GAB1: variants seen among roughly 807,000 people sequenced by gnomAD.
The protein encoded by GAB1 is GRB2 associated binding protein 1, also known as GRB2-associated-binding protein 1.
In GAB1, 19 loss-of-function variants were observed where a neutral mutation model predicts 66.5. The observed-to-expected ratio is 0.29, with a 90% confidence interval of 0.20 to 0.42. GAB1 has a LOEUF of 0.42. GAB1 is among the 10% of genes least tolerant of loss of function. The probability of loss-of-function intolerance (pLI) is 1.00; values close to 1 mark genes in which losing one functional copy is unlikely to be tolerated. For synonymous variants in GAB1, 294 were observed against 301.4 expected (o/e 0.98, Z 0.25); for missense variants, 732 against 858.5 (o/e 0.85, Z 1.84).
intron 1 of GAB1, among the ~76,000 whole-genome samples, chr4:143,382,899 C>T (rs1730717164): frequency 3.3e-5 from 5 of 152,042 alleles, no homozygotes; most frequent in Admixed American, 3.3e-4. Context: ...GTTCCCTAAT[C>T]GTGAGGATTT....
intron 1 of GAB1, among the ~76,000 whole-genome samples, chr4:143,371,650 G>A (rs188667368): frequency 3.2e-4 from 48 of 152,180 alleles, no homozygotes; most frequent in Admixed American, 7.8e-4. Context: ...ATGGTATTGC[G>A]TAGGTTTTCT....
intron 2 of GAB1, among the ~76,000 whole-genome samples, chr4:143,431,258 T>C (rs1733635824): frequency 6.6e-6 from 1 of 152,158 alleles, no homozygotes; most frequent in African/African-American, 2.4e-5. Flanking sequence ...CAAAAACAGA[T>C]TTTGAGAGGG....
At chr4:143,385,150 G>A (rs1730841293) in intron 1 of GAB1, among the ~76,000 whole-genome samples, 1 of 152,116 alleles carries the variant, frequency 6.6e-6, no homozygotes, top group African/African-American at 2.4e-5. Flanking sequence ...TAACCTCTCT[G>A]AATCTCCTCT....
At chr4:143,408,719 G>T (rs768278567) in intron 1 of GAB1, among the ~76,000 whole-genome samples, 1 of 152,042 alleles carries the variant, frequency 6.6e-6, no homozygotes, top group Non-Finnish European at 1.5e-5. Context: ...TTTGTGAAAC[G>T]CACATCTTCA....
chr4:143,337,943 G>C (rs1047664029), intron 1 of GAB1, among the ~76,000 whole-genome samples: 1 of 152,334 alleles, frequency 6.6e-6, no homozygotes, highest in African/African-American at 2.4e-5. Flanking sequence ...CGCTGGGGGG[G>C]AGCCTAGTGG....
At chr4:143,410,895 G>A (rs1361063937) in intron 1 of GAB1, among the ~76,000 whole-genome samples, 1 of 152,160 alleles carries the variant, frequency 6.6e-6, no homozygotes, top group Non-Finnish European at 1.5e-5. Context: ...AAAGAAGAAA[G>A]GTTAAAATGG....
chr4:143,444,384 G>A (rs1392996293), intron 6 of GAB1, among the ~76,000 whole-genome samples: 1 of 152,034 alleles, frequency 6.6e-6, no homozygotes, highest in Non-Finnish European at 1.5e-5. Flanking sequence ...TTAAGCCAGT[G>A]CAAGGTTTTG....
At chr4:143,392,211 T>C (rs1731219780) in intron 1 of GAB1, among the ~76,000 whole-genome samples, 1 of 152,138 alleles carries the variant, frequency 6.6e-6, no homozygotes, top group South Asian at 2.1e-4. Flanking sequence ...GGGAAGAAAG[T>C]AGAAGTGAGT....
At chr4:143,363,924 C>T (rs1042802765) in intron 1 of GAB1, among the ~76,000 whole-genome samples, 3 of 152,122 alleles carry the variant, frequency 2.0e-5, no homozygotes, top group East Asian at 3.9e-4. Context: ...TCGTGCTGGC[C>T]GTGGTGGCTC....
Position 143,471,302 on chromosome 4 carries a change from TA to T in GAB1, c.*2118del, listed in dbSNP as rs1477947664. Reference sequence around the variant, plus strand: ...AGAAAATTTTTCATTCTGAATAATTTAAAAATGGTGATGTATTAGAAAGGCA... The same window carrying T: ...AGAAAATTTTTCATTCTGAATAATTTAAAATGGTGATGTATTAGAAAGGCA... On this transcript the variant is annotated 3_prime_UTR_variant, in exon 10 of 10. Transcript: ENST00000262994. 2 of 152,188 alleles carry T rather than the reference TA, an allele frequency of 1.3e-5. No homozygotes were observed. Among genetic ancestry groups the T allele is most frequent in the Non-Finnish European group, 2.9e-5 (2 of 68,020 alleles). The allele number at this position is 152,188 out of a possible 1,614,324, so 9.4% of individuals were successfully genotyped here. A position where few individuals can be genotyped will look rare whatever the true frequency, so the allele number is the denominator to read the frequency against.
At chr4:143,399,607 C>T (rs1184259182) in intron 1 of GAB1, among the ~76,000 whole-genome samples, 1 of 152,202 alleles carries the variant, frequency 6.6e-6, no homozygotes, top group Non-Finnish European at 1.5e-5. Context: ...CAATACACTG[C>T]ATCCAGTATA....
intron 3 of GAB1, among the ~76,000 whole-genome samples, chr4:143,436,940 G>T (rs565845001): frequency 6.6e-6 from 1 of 152,258 alleles, no homozygotes; most frequent in Non-Finnish European, 1.5e-5. Context: ...AACTCTGTTG[G>T]CCATTCCCAG....
chr4:143,415,623 A>T lies in GAB1; in HGVS notation c.219A>T (p.Thr73=), dbSNP rs767462750. The change falls in exon 2 of 10, where the codon ACA becomes ACT. Residue 73 remains threonine (T), a synonymous_variant. Transcript: ENST00000262994. ...NLCQQVDAGL[T]FNKKEFENSY... ...GTCAACAAGTAGATGCTGGATTGAC[A>T]TTTAACAAAAAAGAGTTTGAAAACA... 1 of 1,614,112 alleles carries T rather than the reference A, an allele frequency of 6.2e-7. No individual in the cohort carries two copies. The highest frequency in any genetic ancestry group is 8.5e-7 in the Non-Finnish European group (1 of 1,179,948).
At chr4:143,388,223 C>A (rs1014492306) in intron 1 of GAB1, among the ~76,000 whole-genome samples, 2 of 151,950 alleles carry the variant, frequency 1.3e-5, no homozygotes, top group African/African-American at 4.8e-5. Flanking sequence ...TGTTTCTAAT[C>A]TTCTTGCAGA....
intron 2 of GAB1, among the ~76,000 whole-genome samples, chr4:143,419,566 C>G (rs150056823): frequency 9.9e-4 from 150 of 152,208 alleles, no homozygotes; most frequent in African/African-American, 3.5e-3. Context: ...TATATATAGT[C>G]TGTGAGTTGG....
At chr4:143,458,302 T>C (rs1229547871) in intron 6 of GAB1, among the ~76,000 whole-genome samples, 2 of 152,102 alleles carry the variant, frequency 1.3e-5, no homozygotes, top group Admixed American at 1.3e-4. Flanking sequence ...CAGCTCAAAT[T>C]AGTAAGTTAA....
chr4:143,364,571 T>C (rs1361508865), intron 1 of GAB1, among the ~76,000 whole-genome samples: 2 of 152,158 alleles, frequency 1.3e-5, no homozygotes, highest in Non-Finnish European at 2.9e-5. Context: ...TGGGGCTAGG[T>C]GTCCAGAGTC....
chr4:143,376,826 A>G (rs1329964799), intron 1 of GAB1: 1 of 152,206 alleles, frequency 6.6e-6, no homozygotes, highest in Non-Finnish European at 1.5e-5. Flanking sequence ...TACTTCATCA[A>G]AAATTATAGA....
rs765455903 is a variant in GAB1, at chr4:143,440,129, T to C, written c.1332T>C (p.Asp444=). ...TVGSVSSEEL[D]ENYVPMNPNS... is the part of the protein sequence containing the mutation. Reference sequence around the variant, plus strand: ...GAAGTGTTTCAAGTGAAGAACTGGATGAAAATTACGTCCCAATGAATCCCA... The same window carrying C: ...GAAGTGTTTCAAGTGAAGAACTGGACGAAAATTACGTCCCAATGAATCCCA... The change falls in exon 6 of 10, where the codon GAT becomes GAC. Residue 444 remains aspartate (D), a synonymous_variant. Coordinates refer to ENST00000262994, the MANE Select transcript of GAB1 (RefSeq NM_002039.4). The C allele has an allele frequency of 1.1e-5, 18 of 1,614,066 alleles. No individual in the cohort carries two copies. The highest frequency in any genetic ancestry group is 1.7e-5 in the Admixed American group (1 of 59,994).
Sources: allele counts gnomAD v4.1 joint callset (sites outside exome capture counted in the v4.1 genomes callset), GRCh38; gene constraint gnomAD v4.1.1; transcripts MANE v1.5; gene names NCBI Gene and HGNC (gene_info 2026-07-23, HGNC 2026-07-21).